TRPC5: variants seen among roughly 807,000 people sequenced by gnomAD.
The protein encoded by TRPC5 is transient receptor potential cation channel subfamily C member 5.
In TRPC5, 9 loss-of-function variants were observed where a neutral mutation model predicts 56.5. That is an observed-to-expected ratio of 0.16 (90% confidence interval 0.10 to 0.28). The LOEUF is 0.28. TRPC5 is among the 10% of genes least tolerant of loss of function. TRPC5 has a pLI of 1.00. For synonymous variants in TRPC5, 282 were observed against 278.5 expected, an observed-to-expected ratio of 1.01 and a Z score of -0.13; for missense variants, 469 against 748.9, an observed-to-expected ratio of 0.63 and a Z score of 4.36.
intron 1 of TRPC5, among the ~76,000 whole-genome samples, chrX:112,068,737 T>C (rs1402220382): frequency 1.8e-5 from 2 of 111,786 alleles, no homozygotes; most frequent in Admixed American, 1.9e-4. Context: ...GAGCCCTGGG[T>C]TGCAAGTAGA....
At chrX:111,907,231 T>C (rs149456707) in intron 3 of TRPC5, among the ~76,000 whole-genome samples, 2 of 111,214 alleles carry the variant, frequency 1.8e-5, no homozygotes, top group African/African-American at 6.5e-5. Context: ...GATGTTAATA[T>C]GTTTTTTTCT....
intron 3 of TRPC5, among the ~76,000 whole-genome samples, chrX:111,892,368 C>T (rs922142178): frequency 1.8e-5 from 2 of 111,992 alleles, no homozygotes; most frequent in African/African-American, 6.5e-5. Flanking sequence ...ATGACCTTGC[C>T]AATTACTTTC....
chrX:111,938,405 A>G (rs756269300), intron 2 of TRPC5, among the ~76,000 whole-genome samples: 10,971 of 106,031 alleles, frequency 0.1, 1,195 homozygotes, highest in African/African-American at 0.29. Context: ...TGGTGAGAGA[A>G]GGCATCCCTG....
At chrX:111,834,193 C>T (rs1197057738) in intron 7 of TRPC5, among the ~76,000 whole-genome samples, 5 of 112,389 alleles carry the variant, frequency 4.4e-5, no homozygotes, top group African/African-American at 1.3e-4. Context: ...GTAATAAACA[C>T]TGCTGATCTA....
chrX:112,036,818 A>G (rs886331175), intron 1 of TRPC5, among the ~76,000 whole-genome samples: 1 of 111,392 alleles, frequency 9.0e-6, no homozygotes, highest in African/African-American at 3.3e-5. Flanking sequence ...TGAGAAGACT[A>G]TCACTTCTGC....
chrX:111,901,504 G>T (rs1387413365), intron 3 of TRPC5: 1 of 131,767 alleles, frequency 7.6e-6, no homozygotes, highest in Non-Finnish European at 1.5e-5. Context: ...AAGGCTCAAA[G>T]ATACTAATCT....
At chrX:111,877,214 A>T (rs1024890326) in intron 3 of TRPC5, among the ~76,000 whole-genome samples, 1 of 111,866 alleles carries the variant, frequency 8.9e-6, no homozygotes, top group Non-Finnish European at 1.9e-5. Context: ...AAGTGACGTT[A>T]AAGAAGATAT....
At chrX:111,828,415 CCTG>C (rs1009990663) in intron 7 of TRPC5, among the ~76,000 whole-genome samples, 1 of 111,855 alleles carries the variant, frequency 8.9e-6, no homozygotes, top group East Asian at 2.8e-4. Flanking sequence ...CATTCTCTCT[CCTG>C]CTGCCCTGTG....
At chrX:111,844,460 C>CTTT (rs746423281) in intron 6 of TRPC5, among the ~76,000 whole-genome samples, 2 of 95,400 alleles carry the variant, frequency 2.1e-5, no homozygotes, top group Admixed American at 1.1e-4. Context: ...TTCTTTCTTT[C>CTTT]TTTTTTTTTT....
rs184490581 is a variant in TRPC5 at position 111,954,921 on chromosome X, T to A, written c.-21-2480A>T. On this transcript the variant is annotated intron_variant, in intron 1 of 10. Coordinates refer to ENST00000262839, the MANE Select transcript of TRPC5 (RefSeq NM_012471.3). ...TATAAAAATAATCATTAGTTTTGAATACTTAATGTGGCTCAGGCATGGTGC... is the reference window on the plus strand; with the variant it reads ...TATAAAAATAATCATTAGTTTTGAAAACTTAATGTGGCTCAGGCATGGTGC... Among the ~76,000 whole-genome samples the A allele has an allele frequency of 2.0e-3, 225 of 112,106 alleles. 1 individual carries two copies. The highest frequency in any genetic ancestry group is 8.5e-4 in the Admixed American group (9 of 10,538).
chrX:111,834,508 GT>G (rs1180608721), intron 7 of TRPC5, among the ~76,000 whole-genome samples: 1 of 111,047 alleles, frequency 9.0e-6, no homozygotes, highest in Non-Finnish European at 1.9e-5. Context: ...GGGATTCTTA[GT>G]TTTCAGAGGG....
intron 1 of TRPC5, among the ~76,000 whole-genome samples, chrX:111,956,172 GC>G (rs1193978036): frequency 8.9e-6 from 1 of 112,791 alleles, no homozygotes; most frequent in African/African-American, 3.2e-5. Context: ...TTTCTGCCCA[GC>G]ATAAGACTTC....
At chrX:112,024,487 C>A (rs925586040) in intron 1 of TRPC5, among the ~76,000 whole-genome samples, 2 of 111,835 alleles carry the variant, frequency 1.8e-5, no homozygotes, top group South Asian at 7.5e-4. Flanking sequence ...AAGCCTGTGG[C>A]TTTTGGGCCA....
In TRPC5 at chrX:111,775,078, A is replaced by C. The variant is rs1945867129; in HGVS notation, c.*1235T>G. On this transcript the variant is annotated 3_prime_UTR_variant, in exon 11 of 11. Coordinates refer to ENST00000262839, the MANE Select transcript of TRPC5 (RefSeq NM_012471.3). Reference sequence around the variant, plus strand: ...ATGAGGTACTCTTAAGCTGTGGAAAAGAATTTGTTTGGATGTATAAATGTA... The same window carrying C: ...ATGAGGTACTCTTAAGCTGTGGAAACGAATTTGTTTGGATGTATAAATGTA... The C allele has an allele frequency of 9.0e-6, 1 of 111,724 alleles. No homozygotes were observed. Among genetic ancestry groups the C allele is most frequent in the Admixed American group, 9.5e-5 (1 of 10,504 alleles). The allele number at this position is 111,724 out of a possible 1,213,427, so 9.2% of individuals were successfully genotyped here. A position where few individuals can be genotyped will look rare whatever the true frequency, so the allele number is the denominator to read the frequency against.
intron 1 of TRPC5, among the ~76,000 whole-genome samples, chrX:112,080,117 C>G (rs1930926338): frequency 8.9e-6 from 1 of 111,781 alleles, no homozygotes; most frequent in Non-Finnish European, 1.9e-5. Context: ...TTTTCAGATC[C>G]TACTTGAGTA....
intron 1 of TRPC5, among the ~76,000 whole-genome samples, chrX:111,960,055 C>T (rs11798952): frequency 0.025 from 2,837 of 111,953 alleles, 42 homozygotes; most frequent in Non-Finnish European, 0.033. Flanking sequence ...AATTCAATTC[C>T]TCAGTTGCAT....
At chrX:111,975,488 A>G (rs1454490760) in intron 1 of TRPC5, among the ~76,000 whole-genome samples, 2 of 111,167 alleles carry the variant, frequency 1.8e-5, no homozygotes, top group African/African-American at 6.5e-5. Flanking sequence ...CAGGTCTGTT[A>G]CACAGGTATA....
intron 1 of TRPC5, among the ~76,000 whole-genome samples, chrX:112,017,318 T>C (rs1432250629): frequency 1.8e-5 from 2 of 111,172 alleles, no homozygotes; most frequent in Non-Finnish European, 3.8e-5. Context: ...CAGCCACGAT[T>C]ATTACTACTT....
At chrX:112,072,884 T>A (rs1336806673) in intron 1 of TRPC5, among the ~76,000 whole-genome samples, 1 of 112,234 alleles carries the variant, frequency 8.9e-6, no homozygotes, top group Non-Finnish European at 1.9e-5. Flanking sequence ...ATCTGAAATG[T>A]GCTCCTTGTT....
Sources: allele counts gnomAD v4.1 joint callset (sites outside exome capture counted in the v4.1 genomes callset), GRCh38; gene constraint gnomAD v4.1.1; transcripts MANE v1.5; gene names NCBI Gene and HGNC (gene_info 2026-07-23, HGNC 2026-07-21).